The following PCDHA7 variants were observed in gnomAD, a reference collection of about 807,000 sequenced individuals.
The protein encoded by PCDHA7 is protocadherin alpha 7.
In PCDHA7, 37 loss-of-function variants were observed where a neutral mutation model predicts 57.2. The ratio of observed to expected loss-of-function variants is 0.65; its 90% CI spans 0.50 to 0.85. The LOEUF is 0.85. PCDHA7 is among the 40% of genes least tolerant of loss of function. The pLI is 0.00. For missense variants in PCDHA7, 1,188 were observed against 1,241.8 expected, an observed-to-expected ratio of 0.96 and a Z score of 0.65; for synonymous variants, 553 against 558.8, an observed-to-expected ratio of 0.99 and a Z score of 0.15.
chr5:140,852,853 C>A, intron 1 of PCDHA7: 1 of 962,938 alleles, frequency 1.0e-6, no homozygotes, highest in Non-Finnish European at 1.3e-6. Context: ...ACTTACTAAG[C>A]ATTTACTATG....
chr5:140,855,175 T>C (rs1554147660), intron 1 of PCDHA7, among the ~76,000 whole-genome samples: 1 of 149,898 alleles, frequency 6.7e-6, no homozygotes, highest in African/African-American at 2.4e-5. Context: ...TGAAAACAAA[T>C]GTGGCCAAAT....
intron 1 of PCDHA7, chr5:140,877,135 G>A (rs1554169356): frequency 2.5e-6 from 4 of 1,613,790 alleles, no homozygotes; most frequent in Non-Finnish European, 3.4e-6. Flanking sequence ...GCAGGTGTTC[G>A]TGCTGGACGA....
rs2150415705 is a variant in PCDHA7 at position 140,848,636 on chromosome 5, C to G, written c.2355+11898C>G. 17 of 1,593,284 alleles carry G rather than the reference C, an allele frequency of 1.1e-5. 2 individuals carry two copies. The highest frequency in any genetic ancestry group is 6.7e-5 in the African/African-American group (5 of 74,384). On this transcript the variant is annotated intron_variant, in intron 1 of 3. Transcript: ENST00000525929. Reference sequence around the variant, plus strand: ...CCGAACACGGCACCTTCGTGGGCCGCATCGCGCAGGACCTGGGGCTGGAGC... The same window carrying G: ...CCGAACACGGCACCTTCGTGGGCCGGATCGCGCAGGACCTGGGGCTGGAGC...
intron 1 of PCDHA7, chr5:140,850,299 G>T (rs1554144160): frequency 6.3e-7 from 1 of 1,596,494 alleles, no homozygotes; most frequent in African/African-American, 1.3e-5. Context: ...CGCCGACTCG[G>T]GCTACAACGC....
intron 1 of PCDHA7, among the ~76,000 whole-genome samples, chr5:140,978,254 A>T (rs2096794173): frequency 6.6e-6 from 1 of 152,228 alleles, no homozygotes; most frequent in Non-Finnish European, 1.5e-5. Context: ...TCCCTGTTAA[A>T]CAATCAGAGC....
At chr5:140,877,745 T>C (rs1554170071) in intron 1 of PCDHA7, 3 of 1,614,108 alleles carry the variant, frequency 1.9e-6, no homozygotes, top group Non-Finnish European at 2.5e-6. Context: ...AGGCAGAGGG[T>C]GTGCTCTGCA....
intron 1 of PCDHA7, among the ~76,000 whole-genome samples, chr5:140,964,657 G>A (rs2067599): frequency 0.18 from 27,796 of 151,812 alleles, 2,893 homozygotes; most frequent in African/African-American, 0.28. Context: ...TAATGGGTGA[G>A]GACACAGGCC....
chr5:140,909,397 G>C (rs564100527), intron 1 of PCDHA7, among the ~76,000 whole-genome samples: 1 of 152,320 alleles, frequency 6.6e-6, no homozygotes, highest in East Asian at 1.9e-4. Flanking sequence ...TACAGCAGCT[G>C]CAATTGCAGT....
intron 1 of PCDHA7, chr5:140,926,948 C>A: frequency 1.3e-6 from 2 of 1,589,774 alleles, no homozygotes; most frequent in South Asian, 1.1e-5. Flanking sequence ...GGCGCTGCAG[C>A]GGGACAGCTC....
intron 1 of PCDHA7, chr5:140,868,284 G>A (rs1554161873): frequency 6.6e-6 from 1 of 152,004 alleles, no homozygotes; most frequent in Non-Finnish European, 1.5e-5. Flanking sequence ...TACCAAGTTT[G>A]AGAATATGAA....
At chr5:140,851,411 A>T in intron 1 of PCDHA7, 1 of 962,208 alleles carries the variant, frequency 1.0e-6, no homozygotes, top group Non-Finnish European at 1.3e-6. Flanking sequence ...ATAAGAAAGA[A>T]ACTTCCCCTA....
chr5:140,900,309 C>T (rs1183008231), intron 1 of PCDHA7, among the ~76,000 whole-genome samples: 1 of 151,686 alleles, frequency 6.6e-6, no homozygotes, highest in Non-Finnish European at 1.5e-5. Context: ...GACAGTCTCA[C>T]TTTTGTCGCC....
At chr5:140,988,157 G>A (rs1344911037) in intron 3 of PCDHA7, among the ~76,000 whole-genome samples, 5 of 152,014 alleles carry the variant, frequency 3.3e-5, no homozygotes, top group African/African-American at 7.3e-5. Context: ...AACTTCTGCC[G>A]TTGTCATAGC....
chr5:140,928,478 A>G (rs1554205922), intron 1 of PCDHA7: 1 of 1,614,132 alleles, frequency 6.2e-7, no homozygotes, highest in East Asian at 2.2e-5. Context: ...GAAGGCCGGG[A>G]TGGTGGCATT....
At chr5:140,958,278 T>A (rs1445019557) in intron 1 of PCDHA7, among the ~76,000 whole-genome samples, 1 of 152,090 alleles carries the variant, frequency 6.6e-6, no homozygotes, top group Non-Finnish European at 1.5e-5. Flanking sequence ...GAAGTATATA[T>A]TTTAAATATT....
intron 1 of PCDHA7, among the ~76,000 whole-genome samples, chr5:140,954,068 G>A (rs1404063517): frequency 6.6e-6 from 1 of 152,174 alleles, no homozygotes; most frequent in South Asian, 2.1e-4. Context: ...TTATGCTGAG[G>A]ATAATGGCTT....
intron 3 of PCDHA7, among the ~76,000 whole-genome samples, chr5:141,005,360 A>G (rs1215157808): frequency 6.6e-6 from 1 of 152,184 alleles, no homozygotes; most frequent in Non-Finnish European, 1.5e-5. Flanking sequence ...TAGGAATGTC[A>G]TAGAATGCCT....
chr5:141,006,429 G>C (rs541690957), intron 3 of PCDHA7, among the ~76,000 whole-genome samples: 7 of 152,004 alleles, frequency 4.6e-5, no homozygotes, highest in Non-Finnish European at 1.0e-4. Flanking sequence ...TAGCCAGGAT[G>C]GTCTCAATCT....
chr5:140,935,985 C>G (rs155825), intron 1 of PCDHA7, among the ~76,000 whole-genome samples: 1 of 150,926 alleles, frequency 6.6e-6, no homozygotes, highest in Admixed American at 6.6e-5. Context: ...CTCTGCCTCC[C>G]GGGTTCAAGC....
Sources: allele counts gnomAD v4.1 joint callset (sites outside exome capture counted in the v4.1 genomes callset), GRCh38; gene constraint gnomAD v4.1.1; transcripts MANE v1.5; gene names NCBI Gene and HGNC (gene_info 2026-07-23, HGNC 2026-07-21).